Variants in MAST1 observed in about 807,000 individuals in gnomAD.
The protein encoded by MAST1 is microtubule associated serine/threonine kinase 1.
In MAST1, 40 loss-of-function variants were observed where a neutral mutation model predicts 124.6. The ratio of observed to expected loss-of-function variants is 0.32; its 90% confidence interval spans 0.25 to 0.42. The LOEUF is 0.42. Among genes scored for constraint, MAST1 ranks in the 10% least tolerant of loss-of-function variants. MAST1 has a pLI of 1.00. For synonymous variants in MAST1, 938 were observed against 939.4 expected (o/e 1.00, Z 0.03); for missense variants, 1,558 against 2,181.9 (o/e 0.71, Z 5.70).
chr19:12,863,221 C>T (rs1489963964), intron 12 of MAST1, among the ~76,000 whole-genome samples: 4 of 149,638 alleles, frequency 2.7e-5, no homozygotes, highest in African/African-American at 4.9e-5. Flanking sequence ...ATCCATTTGG[C>T]TCTTGTGGAG....
intron 24 of MAST1, among the ~76,000 whole-genome samples, chr19:12,871,600 C>A (rs1439623953): frequency 1.3e-5 from 2 of 151,490 alleles, no homozygotes; most frequent in Non-Finnish European, 2.9e-5. Context: ...GAGTGAGACT[C>A]CATCTCAAAC....
In MAST1 at chr19:12,870,907, T is replaced by C. The variant is rs1970225629; in HGVS notation, c.3087T>C (p.His1029=). ...LITHVNGEPV[H]GMVHPEVVEL... ...CCCACGTGAATGGGGAGCCTGTGCA[T>C]GGCATGGTGCATCCTGAGGTCGTGG... is the stretch of plus-strand genomic sequence containing the variant. The change falls in exon 23 of 26, where the codon CAT becomes CAC. Residue 1029 remains histidine, a synonymous_variant. Transcript: ENST00000251472. The C allele has an allele frequency of 6.2e-7, 1 of 1,613,868 alleles. No homozygotes were observed. Among genetic ancestry groups the C allele is most frequent in the East Asian group, 2.2e-5 (1 of 44,860 alleles).
At position 12,865,602 on chromosome 19, in the gene MAST1, G is replaced by A; in HGVS notation, c.1805-115G>A. The A allele has an allele frequency of 1.4e-6, 2 of 1,467,298 alleles. No individual in the cohort carries two copies. Among genetic ancestry groups the A allele is most frequent in the Non-Finnish European group, 1.9e-6 (2 of 1,075,852 alleles). 90.9% of individuals were successfully genotyped at this position (1,467,298 alleles called of 1,614,324 possible). On this transcript the variant is annotated intron_variant, in intron 15 of 25. Coordinates refer to ENST00000251472, the MANE Select transcript of MAST1 (RefSeq NM_014975.3). This position sits in a 1 kb window ranked among gnomAD's most constrained non-coding sequence, Gnocchi z 7.1. The stretch of plus-strand genomic sequence containing the variant: ...GGATCGCTTGCACTCAGGAGGTCAA[G>A]GCTGCAGTGAGCCATGATCGTGCCA...
intron 7 of MAST1, among the ~76,000 whole-genome samples, chr19:12,851,069 T>C (rs1251960143): frequency 6.6e-6 from 1 of 151,290 alleles, no homozygotes; most frequent in Non-Finnish European, 1.5e-5. Flanking sequence ...TGCCTCAGCC[T>C]CCCAAGTAGC....
chr19:12,870,986 G>A, intron 23 of MAST1, 40 bp downstream of exon 23: 1 of 1,613,598 alleles, frequency 6.2e-7, no homozygotes, highest in Non-Finnish European at 8.5e-7. Flanking sequence ...GGAGGGTGGG[G>A]GAGGCCTGAG....
At chr19:12,840,940 G>T (rs372493691) in intron 2 of MAST1, 51 bp from the exon 3 acceptor site, 4 of 792,840 alleles carry the variant, frequency 5.0e-6, no homozygotes, top group Admixed American at 3.4e-5. Context: ...TTTGCACGCC[G>T]CTTTAGGGAA....
At position 12,866,147 on chromosome 19, in the gene MAST1, C is replaced by A; in HGVS notation, c.2029+45C>A. The stretch of plus-strand genomic sequence containing the variant: ...ACGACCTGGGTCGAGGGGTGGGATC[C>A]GGGAAGAGGGACCCTGGGGTAAGTA... On this transcript the variant is annotated intron_variant, in intron 17 of 25. Coordinates refer to ENST00000251472, the MANE Select transcript of MAST1 (RefSeq NM_014975.3). This position sits in a 1 kb window ranked among gnomAD's most constrained non-coding sequence, Gnocchi z 5.2. The A allele has an allele frequency of 6.4e-7, 1 of 1,562,052 alleles. No homozygotes were observed. The highest frequency in any genetic ancestry group is 1.4e-5 in the African/African-American group (1 of 72,432).
chr19:12,838,665 C>G lies in MAST1; in HGVS notation c.83+10C>G, dbSNP rs1160164295. ...TCCGCCGCACCAAGAGGTAGACCCCCGATCCCCTAGACATTGTCCCGGCCC... is the reference window on the plus strand; with the variant it reads ...TCCGCCGCACCAAGAGGTAGACCCCGGATCCCCTAGACATTGTCCCGGCCC... On this transcript the variant is annotated intron_variant, in intron 1 of 25. Coordinates refer to ENST00000251472, the MANE Select transcript of MAST1 (RefSeq NM_014975.3). The surrounding 1 kb of genome is among the most constrained non-coding windows in gnomAD (Gnocchi z 4.3). 5.0e-6 allele frequency: 8 copies of G among 1,607,640 alleles called. No homozygotes were observed. The highest frequency in any genetic ancestry group is 6.8e-6 in the Non-Finnish European group (8 of 1,177,468).
chr19:12,851,835 TG>T, intron 7 of MAST1, 98 bp from the exon 8 acceptor site: 1 of 872,690 alleles, frequency 1.1e-6, no homozygotes, highest in Non-Finnish European at 1.8e-6. Context: ...ACCTGTAAGA[TG>T]GGACAGTAGC....
intron 3 of MAST1, among the ~76,000 whole-genome samples, chr19:12,842,195 G>A (rs1163540872): frequency 6.6e-6 from 1 of 152,160 alleles, no homozygotes; most frequent in Non-Finnish European, 1.5e-5. Flanking sequence ...CTCCAGGTGA[G>A]CGTGCAATCT....
Position 12,847,802 on chromosome 19 carries a change from C to T in MAST1, c.565-46C>T. ...GCGCAGCGCAGGCTCCTGGCGGCCG[C>T]AGCCTTCGGGCACAGCCCCGCGCCC... is the stretch of plus-strand genomic sequence containing the variant. On this transcript the variant is annotated intron_variant, in intron 6 of 25. Coordinates refer to ENST00000251472, the MANE Select transcript of MAST1 (RefSeq NM_014975.3). This position sits in a 1 kb window ranked among gnomAD's most constrained non-coding sequence, Gnocchi z 5.5. 1 of 1,581,850 alleles carries T rather than the reference C, an allele frequency of 6.3e-7. No individual in the cohort carries two copies. Among genetic ancestry groups the T allele is most frequent in the Non-Finnish European group, 8.6e-7 (1 of 1,161,152 alleles).
chr19:12,858,387 C>T lies in MAST1; in HGVS notation c.1103C>T (p.Pro368Leu). 4.3e-6 allele frequency: 7 copies of T among 1,613,994 alleles called. No homozygotes were observed. Among genetic ancestry groups the T allele is most frequent in the South Asian group, 1.1e-5 (1 of 91,064 alleles). Residue 368 changes from proline to leucine, a missense_variant, in exon 11 of 26, where the codon CCG becomes CTG. Coordinates refer to ENST00000251472, the MANE Select transcript of MAST1 (RefSeq NM_014975.3). ...SEGRSSKAKK[P>L]PGENDFDTIK... The stretch of plus-strand genomic sequence containing the variant: ...GGCCGCAGCAGCAAGGCCAAGAAAC[C>T]GCCGGGGGAGAATGACTTCGATACC...
Position 12,874,024 on chromosome 19 carries a change from G to T in MAST1, c.3867G>T (p.Val1289=). Residue 1289 remains valine, a synonymous_variant, in exon 26 of 26, where the codon GTG becomes GTT. Transcript: ENST00000251472. The surrounding 1 kb of genome is among the most constrained non-coding windows in gnomAD (Gnocchi z 6.6). The part of the protein sequence containing the change: ...KGALRKHSLE[V]GHPDFRKDFH... ...CGCTGCGCAAACACAGCCTCGAGGT[G>T]GGCCACCCGGATTTCCGCAAGGACT... The T allele has an allele frequency of 6.2e-7, 1 of 1,606,150 alleles. No individual in the cohort carries two copies.
At chr19:12,872,174 G>A (rs1206616319) in intron 24 of MAST1, among the ~76,000 whole-genome samples, 1 of 152,148 alleles carries the variant, frequency 6.6e-6, no homozygotes, top group Non-Finnish European at 1.5e-5. Flanking sequence ...AGCATGCCAG[G>A]CAAGGTTCAG....
intron 7 of MAST1, among the ~76,000 whole-genome samples, chr19:12,851,350 GC>G (rs550232172): frequency 2.2e-4 from 33 of 150,354 alleles, no homozygotes; most frequent in Non-Finnish European, 4.3e-4. Context: ...TGCAGCCTTA[GC>G]CCCCTGGGCT....
rs191275893 is a variant in MAST1, at chr19:12,840,081, T to C, written c.84-365T>C. On this transcript the variant is annotated intron_variant, in intron 1 of 25. Coordinates refer to ENST00000251472, the MANE Select transcript of MAST1 (RefSeq NM_014975.3). ...ACTAGAATGCATTCAGCGTCACACA[T>C]TGTTGAATTCATACAGTGGATACCA... 9.8e-5 allele frequency among the ~76,000 whole-genome samples: 15 copies of C among 152,286 alleles called. No homozygotes were observed. The East Asian group carries it at 2.9e-3, about 29-fold the overall frequency.
rs1327798765 is a variant in MAST1 at position 12,873,940 on chromosome 19, C to T, written c.3783C>T (p.Leu1261=). 1 of 1,593,186 alleles carries T rather than the reference C, an allele frequency of 6.3e-7. No individual in the cohort carries two copies. The highest frequency in any genetic ancestry group is 8.5e-7 in the Non-Finnish European group (1 of 1,176,694). The change falls in exon 26 of 26, where the codon CTC becomes CTT. Residue 1261 remains leucine, a synonymous_variant. Transcript: ENST00000251472. ...CCGAGCCCCCTCGCTCGCCGCTCCTCAAGCGCGTGCAGTCGGCCGAGAAGC... is the reference window on the plus strand; with the variant it reads ...CCGAGCCCCCTCGCTCGCCGCTCCTTAAGCGCGTGCAGTCGGCCGAGAAGC... ...KSAEPPRSPL[L]KRVQSAEKLG... is the part of the protein sequence containing the mutation.
rs779554041 is a variant in MAST1 at position 12,871,017 on chromosome 19, T to TC, written c.3127-16dup. ...CTGAGCAGCCCCTAGCAGAGCATTT[T>TC]CCCGCATTCTTCCCCCAGAGTGGCA... On this transcript the variant is annotated intron_variant, in intron 23 of 25. Transcript: ENST00000251472. 1.1e-5 allele frequency: 17 copies of TC among 1,613,966 alleles called. No individual in the cohort carries two copies. The highest frequency in any genetic ancestry group is 1.3e-5 in the Non-Finnish European group (15 of 1,180,014).
In MAST1 at chr19:12,873,965, C is replaced by T. The variant is rs949815830; in HGVS notation, c.3808C>T (p.Leu1270=). 12 of 1,599,100 alleles carry T rather than the reference C, an allele frequency of 7.5e-6. 1 individual carries two copies. The Admixed American group carries it at 1.7e-4, about 22-fold the overall frequency. ...LLKRVQSAEK[L]GASLSADKKG... is the part of the protein sequence containing the mutation. ...CAAGCGCGTGCAGTCGGCCGAGAAGCTGGGAGCCTCTTTGAGTGCGGACAA... is the reference window on the plus strand; with the variant it reads ...CAAGCGCGTGCAGTCGGCCGAGAAGTTGGGAGCCTCTTTGAGTGCGGACAA... The change falls in exon 26 of 26, where the codon CTG becomes TTG. Residue 1270 remains leucine (L), a synonymous_variant. Transcript: ENST00000251472.
Sources: gnomAD v4.1 joint callset for allele counts (sites outside exome capture counted in the v4.1 genomes callset) on GRCh38, gnomAD v4.1.1 for gene constraint, Gnocchi (gnomAD v3.1) non-coding constraint, MANE v1.5 for transcripts, NCBI Gene and HGNC (gene_info 2026-07-23, HGNC 2026-07-21) for gene names.